CHRM3: variants seen among roughly 807,000 people sequenced by gnomAD.
CHRM3 encodes muscarinic acetylcholine receptor M3.
CHRM3 carries 11 observed loss-of-function variants against 41.8 expected under a neutral mutation model. That is an observed-to-expected ratio of 0.26 (90% CI 0.17 to 0.44). The LOEUF is 0.44. CHRM3 is among the 20% of genes least tolerant of loss of function. CHRM3 has a pLI of 1.00. For missense variants in CHRM3, 571 were observed against 745.4 expected (o/e 0.77, Z 2.72); for synonymous variants, 297 against 301.4 (o/e 0.99, Z 0.15).
intron 3 of CHRM3, among the ~76,000 whole-genome samples, chr1:239,558,130 A>T (rs1162961659): frequency 2.0e-5 from 3 of 152,196 alleles, no homozygotes; most frequent in Non-Finnish European, 4.4e-5. Flanking sequence ...ATTTCTCTGC[A>T]ACCTCACAAG....
intron 1 of CHRM3, among the ~76,000 whole-genome samples, chr1:239,421,024 A>G (rs1273853637): frequency 6.6e-6 from 1 of 152,208 alleles, no homozygotes; most frequent in African/African-American, 2.4e-5. Flanking sequence ...TAAGACCTTT[A>G]AAATAGATGG....
intron 6 of CHRM3, among the ~76,000 whole-genome samples, chr1:239,880,166 G>C (rs1367771393): frequency 6.6e-6 from 1 of 152,228 alleles, no homozygotes; most frequent in African/African-American, 2.4e-5. Flanking sequence ...TAAGGAAAGT[G>C]TGGGAACTGG....
At chr1:239,530,612 C>CTATGA (rs1670335977) in intron 2 of CHRM3, among the ~76,000 whole-genome samples, 1 of 152,022 alleles carries the variant, frequency 6.6e-6, no homozygotes, top group South Asian at 2.1e-4. Flanking sequence ...CTAAAGGATA[C>CTATGA]TATGATTGAA....
intron 6 of CHRM3, among the ~76,000 whole-genome samples, chr1:239,849,491 A>G (rs1051727228): frequency 1.3e-5 from 2 of 152,242 alleles, no homozygotes; most frequent in African/African-American, 4.8e-5. Context: ...CAGGAGACAC[A>G]AGACAATAAC....
chr1:239,407,527 C>T (rs1214689608), intron 1 of CHRM3, among the ~76,000 whole-genome samples: 1 of 152,034 alleles, frequency 6.6e-6, no homozygotes, highest in Middle Eastern at 3.4e-3. Flanking sequence ...CTCAATCCCA[C>T]TTTTATTTTT....
intron 5 of CHRM3, among the ~76,000 whole-genome samples, chr1:239,726,356 G>T (rs1430571189): frequency 6.6e-6 from 1 of 151,866 alleles, no homozygotes; most frequent in African/African-American, 2.4e-5. Context: ...AATATTTTAT[G>T]AGGTTAATGT....
intron 4 of CHRM3, among the ~76,000 whole-genome samples, chr1:239,643,936 C>G (rs1035918788): frequency 5.9e-5 from 9 of 152,140 alleles, no homozygotes; most frequent in Admixed American, 5.9e-4. Flanking sequence ...TAGTCACTAT[C>G]TGTGTGATGC....
chr1:239,751,167 G>A (rs918576599), intron 5 of CHRM3, among the ~76,000 whole-genome samples: 2 of 151,624 alleles, frequency 1.3e-5, no homozygotes, highest in Admixed American at 1.3e-4. Flanking sequence ...GAACCCGGGA[G>A]GCAGAGGTTG....
intron 5 of CHRM3, among the ~76,000 whole-genome samples, chr1:239,724,839 G>C (rs1032488263): frequency 4.0e-5 from 6 of 151,684 alleles, no homozygotes; most frequent in African/African-American, 1.5e-4. Flanking sequence ...CAACTACCAA[G>C]GCCTTATGGT....
At chr1:239,672,753 C>A (rs149759527) in intron 4 of CHRM3, among the ~76,000 whole-genome samples, 136 of 152,134 alleles carry the variant, frequency 8.9e-4, no homozygotes, top group Non-Finnish European at 1.5e-3. Context: ...CAAGTATAAG[C>A]ATAATGCAGG....
At chr1:239,868,705 C>T (rs1255862109) in intron 6 of CHRM3, among the ~76,000 whole-genome samples, 1 of 152,128 alleles carries the variant, frequency 6.6e-6, no homozygotes, top group Admixed American at 6.5e-5. Flanking sequence ...CTACATTCAG[C>T]CATAAATCAG....
At chr1:239,437,206 T>G (rs1243933172) in intron 1 of CHRM3, among the ~76,000 whole-genome samples, 1 of 152,206 alleles carries the variant, frequency 6.6e-6, no homozygotes, top group East Asian at 1.9e-4. Flanking sequence ...CTCCACCTGC[T>G]GGGCTCGAGC....
chr1:239,705,712 TA>T (rs1290781196), intron 5 of CHRM3: 1 of 152,098 alleles, frequency 6.6e-6, no homozygotes. Context: ...AAGGAAAAAT[TA>T]ACCTGTATGA....
At chr1:239,607,115 C>A (rs1486496238) in intron 3 of CHRM3, among the ~76,000 whole-genome samples, 1 of 152,052 alleles carries the variant, frequency 6.6e-6, no homozygotes. Flanking sequence ...TCTAAAGCAA[C>A]AAAAAAATTT....
chr1:239,734,722 T>C (rs969133877), intron 5 of CHRM3, among the ~76,000 whole-genome samples: 1 of 152,132 alleles, frequency 6.6e-6, no homozygotes, highest in Admixed American at 6.6e-5. Flanking sequence ...ATAGTGATTA[T>C]ACATTCTTTT....
chr1:239,506,053 G>A (rs1668549401), intron 2 of CHRM3, among the ~76,000 whole-genome samples: 1 of 152,120 alleles, frequency 6.6e-6, no homozygotes, highest in South Asian at 2.1e-4. Flanking sequence ...GAGGTGACTT[G>A]GGTGCTGTTA....
At chr1:239,474,208 G>A (rs1220289683) in intron 1 of CHRM3, among the ~76,000 whole-genome samples, 1 of 151,850 alleles carries the variant, frequency 6.6e-6, no homozygotes, top group South Asian at 2.1e-4. Context: ...AATTAGAAAA[G>A]CATTTAAAAA....
intron 3 of CHRM3, among the ~76,000 whole-genome samples, chr1:239,610,356 A>G (rs1192247255): frequency 1.3e-5 from 2 of 152,190 alleles, no homozygotes; most frequent in East Asian, 1.9e-4. Context: ...TTCATGCTTC[A>G]TGAGCTGTGA....
At chr1:239,693,003 A>G (rs1259210133) in intron 5 of CHRM3, among the ~76,000 whole-genome samples, 2 of 152,170 alleles carry the variant, frequency 1.3e-5, no homozygotes, top group African/African-American at 4.8e-5. Context: ...GTAAGTGTAC[A>G]TCTTAAGTGC....
Sources: allele counts gnomAD v4.1 joint callset (sites outside exome capture counted in the v4.1 genomes callset), GRCh38; gene constraint gnomAD v4.1.1; transcripts MANE v1.5; gene names NCBI Gene and HGNC (gene_info 2026-07-23, HGNC 2026-07-21).